Variants in KRT24 observed in about 807,000 individuals in gnomAD.
KRT24 encodes the protein keratin, type I cytoskeletal 24.
In KRT24, 44 loss-of-function variants were observed where a neutral mutation model predicts 51.7. That is an observed-to-expected ratio of 0.85 (90% CI 0.67 to 1.09). The LOEUF is 1.09. KRT24 is among the 50% of genes least tolerant of loss of function. KRT24 has a pLI of 0.00. For synonymous variants in KRT24, 241 were observed against 249.5 expected (o/e 0.97, Z 0.32); for missense variants, 633 against 647.0 (o/e 0.98, Z 0.24).
At chr17:40,701,641 C>T (rs1306103808) in intron 2 of KRT24, among the ~76,000 whole-genome samples, 4 of 148,868 alleles carry the variant, frequency 2.7e-5, no homozygotes, top group African/African-American at 9.8e-5. Flanking sequence ...GAGGATCTAC[C>T]TGCCCCAGCA....
chr17:40,701,901 G>A lies in KRT24; in HGVS notation c.648C>T (p.Ile216=). ...IIAATVENAG[I]ILHIDNARLA... is the part of the protein sequence containing the mutation. Reference sequence around the variant, plus strand: ...ATCTGGCATTGTCAATGTGCAAAATGATCCCAGCATTTTCAACAGTGGCAG... The same window carrying A: ...ATCTGGCATTGTCAATGTGCAAAATAATCCCAGCATTTTCAACAGTGGCAG... Residue 216 remains isoleucine (I), a synonymous_variant, in exon 2 of 8, where the codon ATC becomes ATT. Coordinates refer to ENST00000264651, the MANE Select transcript of KRT24 (RefSeq NM_019016.3). 1 of 1,551,692 alleles carries A rather than the reference G, an allele frequency of 6.4e-7. No individual in the cohort carries two copies. Among genetic ancestry groups the A allele is most frequent in the Non-Finnish European group, 8.8e-7 (1 of 1,142,412 alleles).
In KRT24 at chr17:40,703,584, C is replaced by G. The variant is rs765612600; in HGVS notation, c.110G>C (p.Gly37Ala). ...TCCTCGGAAGCCCTGGGCCGAGCTG[C>G]CCCCCAGACCACATCTGCTTCCACT... ...FSSGSRCGLG[G>A]SSAQGFRGGA... The change falls in exon 1 of 8, where the codon GGC becomes GCC. Residue 37 changes from glycine to alanine, a missense_variant. Gly to Ala is a moderately conservative substitution (Grantham distance 60). Coordinates refer to ENST00000264651, the MANE Select transcript of KRT24 (RefSeq NM_019016.3). 1 of 1,612,502 alleles carries G rather than the reference C, an allele frequency of 6.2e-7. No homozygotes were observed. Among genetic ancestry groups the G allele is most frequent in the Non-Finnish European group, 8.5e-7 (1 of 1,179,492 alleles).
At chr17:40,700,574 T>C (rs1567862442) in intron 3 of KRT24, among the ~76,000 whole-genome samples, 191 bp from the exon 4 acceptor site, 1 of 152,060 alleles carries the variant, frequency 6.6e-6, no homozygotes, top group East Asian at 1.9e-4. Context: ...TAGATAAAAA[T>C]GAGTTTATTT....
At position 40,703,743 on chromosome 17, in the gene KRT24, C is replaced by T. The variant is rs191245405; in HGVS notation, c.-50G>A. The T allele has an allele frequency of 2.4e-3, 3,653 of 1,503,044 alleles. 16 individuals carry two copies. The highest frequency in any genetic ancestry group is 3.0e-3 in the Non-Finnish European group (3,330 of 1,125,456). 93.1% of individuals were successfully genotyped at this position (1,503,044 alleles called of 1,614,324 possible). The stretch of plus-strand genomic sequence containing the variant: ...TCCAGGCGAATAGGAGAGGTGATGA[C>T]GAAGAGTGTATTCAAGGCTGCCTTT... On this transcript the variant is annotated 5_prime_UTR_variant, in exon 1 of 8. Transcript: ENST00000264651.
Position 40,700,094 on chromosome 17 carries a change from A to G in KRT24, c.1047T>C (p.Thr349=). The change falls in exon 5 of 8, where the codon ACT becomes ACC. Residue 349 remains threonine, a synonymous_variant. Coordinates refer to ENST00000264651, the MANE Select transcript of KRT24 (RefSeq NM_019016.3). The stretch of plus-strand genomic sequence containing the variant: ...TGGCAGAAGTGGCTGCCCCAGCATC[A>G]GTGGAGATTTGTGCTTGTAGTGATG... ...QSASLQAQIS[T]DAGAATSAKN... is the part of the protein sequence containing the mutation. 1.2e-6 allele frequency: 2 copies of G among 1,614,176 alleles called. No homozygotes were observed. Among genetic ancestry groups the G allele is most frequent in the South Asian group, 1.1e-5 (1 of 91,088 alleles).
intron 1 of KRT24, among the ~76,000 whole-genome samples, chr17:40,702,340 C>T (rs1433973400): frequency 6.6e-6 from 1 of 152,146 alleles, no homozygotes; most frequent in East Asian, 1.9e-4. Context: ...CGTGCCCGGC[C>T]TGTGCTATTA....
At chr17:40,699,323 G>A in intron 6 of KRT24, 121 bp downstream of exon 6, 1 of 769,210 alleles carries the variant, frequency 1.3e-6, no homozygotes, top group Non-Finnish European at 2.2e-6. Flanking sequence ...ACTGCACGCA[G>A]CCTGTGTCTG....
At chr17:40,701,407 A>G in intron 2 of KRT24, 111 bp from the exon 3 acceptor site, 4 of 807,064 alleles carry the variant, frequency 5.0e-6, no homozygotes, top group Non-Finnish European at 7.3e-6. Flanking sequence ...GGGCATTTTA[A>G]TAAATAAAGG....
chr17:40,701,300 G>C lies in KRT24; in HGVS notation c.699-4C>G, dbSNP rs775624823. 1 of 1,612,450 alleles carries C rather than the reference G, an allele frequency of 6.2e-7. No individual in the cohort carries two copies. The highest frequency in any genetic ancestry group is 1.7e-5 in the Admixed American group (1 of 59,830). ...GAGACACAGCTCGTTCTCATACCTG[G>C]AAGGGGCAGCAGTAAGGCAAAAAAT... On this transcript the variant is annotated splice_polypyrimidine_tract_variant and splice_region_variant and intron_variant, in intron 2 of 7. Coordinates refer to ENST00000264651, the MANE Select transcript of KRT24 (RefSeq NM_019016.3).
Position 40,698,008 on chromosome 17 carries a change from A to G in KRT24, c.*229T>C. 2 of 490,854 alleles carry G rather than the reference A, an allele frequency of 4.1e-6. No homozygotes were observed. Among genetic ancestry groups the G allele is most frequent in the Non-Finnish European group, 7.2e-6 (2 of 278,622 alleles). 30.4% of individuals were successfully genotyped at this position (490,854 alleles called of 1,614,324 possible). A position where few individuals can be genotyped will look rare whatever the true frequency, so the allele number is the denominator to read the frequency against. On this transcript the variant is annotated 3_prime_UTR_variant, in exon 8 of 8. Coordinates refer to ENST00000264651, the MANE Select transcript of KRT24 (RefSeq NM_019016.3). ...AGTAATAATTAACTTGCAAAAGTAA[A>G]TTTATTGAAGCATAGAAACAATTAA...
At chr17:40,701,116 C>T (rs372959643) in intron 3 of KRT24, 24 bp downstream of exon 3, 109 of 1,608,592 alleles carry the variant, frequency 6.8e-5, no homozygotes, top group South Asian at 4.1e-4. Flanking sequence ...TAGAGTTATT[C>T]GTTTATGTAG....
In KRT24 at chr17:40,701,308, A is replaced by G; in HGVS notation, c.699-12T>C. 6.2e-7 allele frequency: 1 copy of G among 1,610,380 alleles called. No individual in the cohort carries two copies. The highest frequency in any genetic ancestry group is 8.5e-7 in the Non-Finnish European group (1 of 1,178,228). On this transcript the variant is annotated splice_polypyrimidine_tract_variant and intron_variant, in intron 2 of 7. Transcript: ENST00000264651. ...GCTCGTTCTCATACCTGGAAGGGGCAGCAGTAAGGCAAAAAATACTGTGAG... is the reference window on the plus strand; with the variant it reads ...GCTCGTTCTCATACCTGGAAGGGGCGGCAGTAAGGCAAAAAATACTGTGAG...
chr17:40,698,887 T>TC (rs1555609964), intron 6 of KRT24, among the ~76,000 whole-genome samples: 18 of 151,634 alleles, frequency 1.2e-4, no homozygotes, highest in Middle Eastern at 3.4e-3. Context: ...TTTTTTTTTT[T>TC]TTTTTTTGAG....
At position 40,699,571 on chromosome 17, in the gene KRT24, C is replaced by T. The variant is rs752427510; in HGVS notation, c.1234G>A (p.Glu412Lys). Residue 412 changes from glutamate to lysine, a missense_variant, in exon 6 of 8, where the codon GAG (glutamate) becomes AAG (lysine). Transcript: ENST00000264651. ...TCACCCCAGATCTGGCAGATCTCCT[C>T]CTCCAGGGCACTGATCTGCGTTTGA... is the stretch of plus-strand genomic sequence containing the variant. ...EIQTQISALEEEICQIWGETK... is the reference protein window; with the variant it reads ...EIQTQISALEKEICQIWGETK... The T allele has an allele frequency of 8.1e-6, 13 of 1,614,074 alleles. No individual in the cohort carries two copies. In the African/African-American group the frequency reaches 1.3e-4, roughly 17 times the overall value.
rs71371442 is a variant in KRT24, at chr17:40,698,312, A to G, written c.1503T>C (p.Thr501=). 1.9e-3 allele frequency: 3,004 copies of G among 1,612,430 alleles called. 45 individuals carry two copies. In the African/African-American group the frequency reaches 0.03, roughly 16 times the overall value. Residue 501 remains threonine (T), a synonymous_variant, in exon 8 of 8, where the codon ACT becomes ACC. Transcript: ENST00000264651. ...RDSSKTRVTK[T]IVEELVDGKV... The stretch of plus-strand genomic sequence containing the variant: ...TGCCATCCACCAACTCCTCTACGAT[A>G]GTCTTAGTCACTCTAGTCTTGCTTG...
In KRT24 at chr17:40,698,163, G is replaced by A; in HGVS notation, c.*74C>T. The A allele has an allele frequency of 1.1e-6, 1 of 941,342 alleles. No homozygotes were observed. The highest frequency in any genetic ancestry group is 1.6e-5 in the African/African-American group (1 of 61,538). The allele number at this position is 941,342 out of a possible 1,614,324, so 58.3% of individuals were successfully genotyped here. A position where few individuals can be genotyped will look rare whatever the true frequency, so the allele number is the denominator to read the frequency against. ...AATTATCCAGAAAGATGCCTAGATT[G>A]ATGCCATTTCTTCGCTTGTGTCCTT... On this transcript the variant is annotated 3_prime_UTR_variant, in exon 8 of 8. Transcript: ENST00000264651.
At chr17:40,701,364 C>A in intron 2 of KRT24, 68 bp from the exon 3 acceptor site, 1 of 1,336,906 alleles carries the variant, frequency 7.5e-7, no homozygotes, top group Non-Finnish European at 1.0e-6. Context: ...AGGGTACCTT[C>A]CATTCTTACA....
intron 1 of KRT24, among the ~76,000 whole-genome samples, chr17:40,702,158 A>C (rs1370059686): frequency 6.6e-6 from 1 of 151,812 alleles, no homozygotes; most frequent in Non-Finnish European, 1.5e-5. Flanking sequence ...CAGCCTCCTG[A>C]GTAGCTGGGA....
chr17:40,701,294 T>C lies in KRT24; in HGVS notation c.701A>G (p.Tyr234Cys). The change falls in exon 3 of 8, where the codon TAT becomes TGT. Residue 234 changes from tyrosine to cysteine, a missense_variant and splice_region_variant. By Grantham distance (194) the Tyr-to-Cys change is radical. Coordinates refer to ENST00000264651, the MANE Select transcript of KRT24 (RefSeq NM_019016.3). ...RLAADDFRLK[Y>C]ENELCLRQSV... is the part of the protein sequence containing the mutation. ...CTGCCGGAGACACAGCTCGTTCTCA[T>C]ACCTGGAAGGGGCAGCAGTAAGGCA... 6.2e-7 allele frequency: 1 copy of C among 1,612,846 alleles called. No homozygotes were observed. The highest frequency in any genetic ancestry group is 1.1e-5 in the South Asian group (1 of 90,674).
Sources: gnomAD v4.1 joint callset for allele counts (sites outside exome capture counted in the v4.1 genomes callset) on GRCh38, gnomAD v4.1.1 for gene constraint, MANE v1.5 for transcripts, NCBI Gene and HGNC (gene_info 2026-07-23, HGNC 2026-07-21) for gene names.